EXOC6B: variants seen among roughly 807,000 people sequenced by gnomAD.
EXOC6B encodes the protein SEC15 homolog B.
Under a neutral mutation model 113.5 loss-of-function variants are expected in EXOC6B, and 54 were observed. That is an observed-to-expected ratio of 0.48 (90% CI 0.38 to 0.60). The LOEUF (loss-of-function observed/expected upper bound fraction) is 0.60. Among genes scored for constraint, EXOC6B ranks in the 20% least tolerant of loss-of-function variants. The probability of loss-of-function intolerance (pLI) is 0.00; values close to 1 mark genes in which losing one functional copy is unlikely to be tolerated. For synonymous variants in EXOC6B, 357 were observed against 339.0 expected (o/e 1.05, Z -0.58); for missense variants, 797 against 977.5 (o/e 0.82, Z 2.46).
At chr2:72,232,716 A>G (rs922544815) in intron 20 of EXOC6B, among the ~76,000 whole-genome samples, 3 of 152,238 alleles carry the variant, frequency 2.0e-5, no homozygotes, top group Non-Finnish European at 4.4e-5. Context: ...CTTAAACATT[A>G]TTTCAAATTT....
intron 6 of EXOC6B, among the ~76,000 whole-genome samples, chr2:72,702,002 T>C (rs1259810661): frequency 6.6e-6 from 1 of 151,786 alleles, no homozygotes; most frequent in Non-Finnish European, 1.5e-5. Flanking sequence ...ACATGTGCCA[T>C]GCTGGTGCGC....
intron 6 of EXOC6B, among the ~76,000 whole-genome samples, chr2:72,670,849 T>G (rs1204685459): frequency 6.6e-6 from 1 of 152,190 alleles, no homozygotes; most frequent in East Asian, 1.9e-4. Context: ...TGGAGTTCTC[T>G]CTTCTCTACT....
intron 20 of EXOC6B, among the ~76,000 whole-genome samples, chr2:72,278,984 G>A (rs1424686877): frequency 2.6e-5 from 4 of 152,144 alleles, no homozygotes; most frequent in Non-Finnish European, 5.9e-5. Flanking sequence ...CTCTGGGTTT[G>A]TTCCAGGGTA....
rs762765789 is a variant in EXOC6B, at chr2:72,492,374, T to A, written c.1609A>T (p.Thr537Ser). The part of the protein sequence containing the change: ...RKSTNLLLTR[T>S]LSNSLQNVIK... ...ACATTCTGCAGAGAGTTGCTCAGAG[T>A]CCTGGTTAGCAACAGGTTTGTTGAT... The change falls in exon 16 of 22, where the codon ACT (threonine) becomes TCT (serine). Residue 537 changes from threonine to serine, a missense_variant. Physicochemically the swap from Thr to Ser is moderately conservative, Grantham distance 58. Transcript: ENST00000272427. 1.1e-5 allele frequency: 18 copies of A among 1,613,098 alleles called. No individual in the cohort carries two copies. In the Admixed American group the frequency reaches 1.5e-4, roughly 13 times the overall value.
At chr2:72,650,901 A>C (rs1674122767) in intron 6 of EXOC6B, among the ~76,000 whole-genome samples, 1 of 151,630 alleles carries the variant, frequency 6.6e-6, no homozygotes, top group South Asian at 2.1e-4. Flanking sequence ...AAACAAAAAA[A>C]CAAAAAACCC....
intron 20 of EXOC6B, among the ~76,000 whole-genome samples, chr2:72,319,416 C>A (rs1687721617): frequency 6.6e-6 from 1 of 151,982 alleles, no homozygotes; most frequent in African/African-American, 2.4e-5. Context: ...GACCAAAAAA[C>A]AAAAGGTATC....
chr2:72,505,756 T>C (rs971579087), intron 11 of EXOC6B, among the ~76,000 whole-genome samples: 4 of 152,166 alleles, frequency 2.6e-5, no homozygotes, highest in Non-Finnish European at 5.9e-5. Flanking sequence ...ACAGGGGTCC[T>C]GACTATCTTG....
chr2:72,419,728 G>C (rs181889369), intron 18 of EXOC6B, among the ~76,000 whole-genome samples: 4 of 152,214 alleles, frequency 2.6e-5, no homozygotes, highest in Admixed American at 6.5e-5. Context: ...CTACTTTCAA[G>C]GTTCTCTGTT....
At chr2:72,676,068 G>A (rs1676280907) in intron 6 of EXOC6B, among the ~76,000 whole-genome samples, 3 of 149,926 alleles carry the variant, frequency 2.0e-5, no homozygotes, top group Admixed American at 2.0e-4. Context: ...CCCTTATGAA[G>A]GCATATGGCA....
At chr2:72,798,623 C>A (rs1400629592) in intron 1 of EXOC6B, among the ~76,000 whole-genome samples, 6 of 152,026 alleles carry the variant, frequency 3.9e-5, no homozygotes, top group Non-Finnish European at 7.4e-5. Flanking sequence ...TTGCCATAAA[C>A]CATAAAAATT....
rs548312364 is a variant in EXOC6B at position 72,532,677 on chromosome 2, G to A, written c.916-17551C>T. On this transcript the variant is annotated intron_variant, in intron 8 of 21. Transcript: ENST00000272427. ...ACAAAAAGTAGCCAGGTGTGGTGGCGCGCGCCTGTAATCACAGCTACTCTG... is the reference window on the plus strand; with the variant it reads ...ACAAAAAGTAGCCAGGTGTGGTGGCACGCGCCTGTAATCACAGCTACTCTG... Among the ~76,000 whole-genome samples the A allele has an allele frequency of 9.2e-5, 14 of 152,074 alleles. No individual in the cohort carries two copies. The East Asian group carries it at 9.7e-4, about 11-fold the overall frequency.
intron 20 of EXOC6B, among the ~76,000 whole-genome samples, chr2:72,235,652 T>C (rs944469529): frequency 1.3e-5 from 2 of 152,216 alleles, no homozygotes; most frequent in African/African-American, 4.8e-5. Context: ...AATAGGTGTA[T>C]GGGACTTTCC....
At chr2:72,396,677 A>G (rs1573024851) in intron 18 of EXOC6B, among the ~76,000 whole-genome samples, 1 of 152,014 alleles carries the variant, frequency 6.6e-6, no homozygotes, top group African/African-American at 2.4e-5. Flanking sequence ...ATAGTTTGCT[A>G]CTCCTAGCCA....
intron 21 of EXOC6B, among the ~76,000 whole-genome samples, chr2:72,180,990 A>G (rs1053947137): frequency 5.3e-5 from 8 of 152,068 alleles, no homozygotes; most frequent in Non-Finnish European, 1.2e-4. Flanking sequence ...CGGGTGGATC[A>G]TGAGGTCAGG....
chr2:72,514,946 CACACACAG>C, intron 9 of EXOC6B, 89 bp downstream of exon 9: 4 of 1,043,894 alleles, frequency 3.8e-6, no homozygotes, highest in South Asian at 1.5e-5. Flanking sequence ...AGTAAACACA[CACACACAG>C]ACACACACAC....
chr2:72,407,666 C>A (rs886493794), intron 18 of EXOC6B, among the ~76,000 whole-genome samples: 5 of 152,086 alleles, frequency 3.3e-5, no homozygotes, highest in Admixed American at 6.5e-5. Context: ...ATTCAACAGC[C>A]CTTCATGCTA....
intron 16 of EXOC6B, 64 bp downstream of exon 16, chr2:72,492,254 G>T: frequency 1.2e-6 from 1 of 840,724 alleles, no homozygotes; most frequent in Non-Finnish European, 1.9e-6. Context: ...TCAGACATAA[G>T]GCCCAGAGCT....
At chr2:72,766,811 G>A (rs1179036229) in intron 1 of EXOC6B, among the ~76,000 whole-genome samples, 6 of 151,664 alleles carry the variant, frequency 4.0e-5, no homozygotes, top group African/African-American at 1.5e-4. Context: ...AAAATCAGCC[G>A]GGCGTAGTGG....
chr2:72,319,732 A>T (rs1322259094), intron 20 of EXOC6B, among the ~76,000 whole-genome samples: 1 of 152,258 alleles, frequency 6.6e-6, no homozygotes, highest in East Asian at 1.9e-4. Flanking sequence ...ATTCAAATAA[A>T]TGAACACAGA....
Sources: allele counts gnomAD v4.1 joint callset (sites outside exome capture counted in the v4.1 genomes callset), GRCh38; gene constraint gnomAD v4.1.1; transcripts MANE v1.5; gene names NCBI Gene and HGNC (gene_info 2026-07-23, HGNC 2026-07-21).